The following PRRC1 variants were observed in gnomAD, a reference collection of about 807,000 sequenced individuals.
PRRC1 encodes protein PRRC1.
PRRC1 carries 39 observed loss-of-function variants against 40.7 expected under a neutral mutation model. That is an observed-to-expected ratio of 0.96 (90% CI 0.74 to 1.25). The LOEUF (loss-of-function observed/expected upper bound fraction) is 1.25. PRRC1 is among the 50% of genes most tolerant of loss of function. The pLI is 0.00. For synonymous variants in PRRC1, 175 were observed against 193.3 expected, an observed-to-expected ratio of 0.91 and a Z score of 0.79; for missense variants, 573 against 548.3, an observed-to-expected ratio of 1.05 and a Z score of -0.45.
chr5:127,525,330 A>C (rs943141442), intron 3 of PRRC1, among the ~76,000 whole-genome samples: 4 of 152,220 alleles, frequency 2.6e-5, no homozygotes, highest in Non-Finnish European at 5.9e-5. Context: ...AGGTTCATCC[A>C]TGTTGTAGCA....
rs1031123587 is a variant in PRRC1 at position 127,553,331 on chromosome 5, A to G, written c.*1415A>G. ...TAAGAAGAATGAATATTAAATTTGA[A>G]TATTAAATATATGTTACTTTCCAAG... On this transcript the variant is annotated 3_prime_UTR_variant, in exon 9 of 9. Transcript: ENST00000296666. The G allele has an allele frequency of 4.5e-5, 44 of 983,330 alleles. No individual in the cohort carries two copies. The highest frequency in any genetic ancestry group is 5.3e-5 in the Non-Finnish European group (44 of 828,032). The allele number at this position is 983,330 out of a possible 1,614,324, so 60.9% of individuals were successfully genotyped here. A position where few individuals can be genotyped will look rare whatever the true frequency, so the allele number is the denominator to read the frequency against.
chr5:127,530,212 A>T (rs1465518056), intron 4 of PRRC1, 82 bp from the exon 5 acceptor site: 15 of 1,246,970 alleles, frequency 1.2e-5, no homozygotes, highest in African/African-American at 4.5e-5. Context: ...GGAAACTTTT[A>T]AAAAAGTTTT....
intron 4 of PRRC1, among the ~76,000 whole-genome samples, chr5:127,529,148 C>T (rs1323761465): frequency 6.6e-6 from 1 of 151,714 alleles, no homozygotes; most frequent in Non-Finnish European, 1.5e-5. Flanking sequence ...ATTTTTTTTG[C>T]AATGAATTTT....
At chr5:127,532,289 A>C (rs1460446432) in intron 5 of PRRC1, among the ~76,000 whole-genome samples, 1 of 151,998 alleles carries the variant, frequency 6.6e-6, no homozygotes, top group Non-Finnish European at 1.5e-5. Context: ...TTGTATTTTT[A>C]GTAGAGATGG....
chr5:127,528,892 C>G (rs1002195883), intron 4 of PRRC1, among the ~76,000 whole-genome samples: 1 of 152,110 alleles, frequency 6.6e-6, no homozygotes, highest in African/African-American at 2.4e-5. Flanking sequence ...TTAAAATCAG[C>G]TTCTGGCCTC....
chr5:127,553,828 G>T lies in PRRC1; in HGVS notation c.*1912G>T, dbSNP rs1316826710. 1.3e-6 allele frequency: 2 copies of T among 1,535,676 alleles called. No individual in the cohort carries two copies. The highest frequency in any genetic ancestry group is 2.7e-5 in the African/African-American group (2 of 73,026). ...ATTTTCCTAGAATCCCCAAAGAGCA[G>T]TGGCAGTCCATGGCTTGGTTGAAGC... On this transcript the variant is annotated 3_prime_UTR_variant, in exon 9 of 9. Transcript: ENST00000296666.
rs760505033 is a variant in PRRC1 at position 127,526,629 on chromosome 5, A to G, written c.505A>G (p.Thr169Ala). The G allele has an allele frequency of 2.5e-6, 4 of 1,604,462 alleles. No homozygotes were observed. Among genetic ancestry groups the G allele is most frequent in the African/African-American group, 1.3e-5 (1 of 74,658 alleles). Residue 169 changes from threonine to alanine, a missense_variant, in exon 4 of 9, where the codon ACT (threonine) becomes GCT (alanine). By Grantham distance (58) the Thr-to-Ala change is moderately conservative (BLOSUM62 0). Transcript: ENST00000296666. ...SAPSGTGLLP[T>A]PITQQASLTS... is the part of the protein sequence containing the mutation. ...TTGCCATTGATTAGGTCTTTTGCCA[A>G]CTCCTATTACTCAGCAAGCCAGTTT...
rs1451035507 is a variant in PRRC1 at position 127,530,290 on chromosome 5, G to T, written c.655-4G>T. ...ATACTTACATATTGATTTGTTTTATGCAGGGTGTGGCTGGGAATCCTATGG... is the reference window on the plus strand; with the variant it reads ...ATACTTACATATTGATTTGTTTTATTCAGGGTGTGGCTGGGAATCCTATGG... On this transcript the variant is annotated splice_polypyrimidine_tract_variant and splice_region_variant and intron_variant, in intron 4 of 8. Transcript: ENST00000296666. 4 of 1,611,224 alleles carry T rather than the reference G, an allele frequency of 2.5e-6. No individual in the cohort carries two copies. The highest frequency in any genetic ancestry group is 3.4e-6 in the Non-Finnish European group (4 of 1,178,094).
intron 8 of PRRC1, chr5:127,549,831 C>T (rs925857822): frequency 6.6e-6 from 1 of 152,176 alleles, no homozygotes; most frequent in Non-Finnish European, 1.5e-5. Flanking sequence ...GTCTGGCCCA[C>T]AAAGCCTAAA....
intron 6 of PRRC1, among the ~76,000 whole-genome samples, chr5:127,534,415 A>G (rs990441937): frequency 4.6e-5 from 7 of 152,162 alleles, no homozygotes; most frequent in Admixed American, 1.3e-4. Context: ...TTTCACATTC[A>G]GTTAAGTCTA....
rs1233344351 is a variant in PRRC1, at chr5:127,524,692, TC to T, written c.266del (p.Ser89LeufsTer66). On this transcript the variant is annotated frameshift_variant, in exon 3 of 9. Coordinates refer to ENST00000296666, the MANE Select transcript of PRRC1 (RefSeq NM_130809.5). LOFTEE classifies it high-confidence loss of function. ...AVPSVPPLVT[S>X]MPPPVSPSTA... ...TCCTTCTGTCCCACCACTTGTTACT[TC>T]TATGCCACCTCCTGTTTCTCCATCA... 3 of 1,614,054 alleles carry T rather than the reference TC, an allele frequency of 1.9e-6. No individual in the cohort carries two copies. Among genetic ancestry groups the T allele is most frequent in the Admixed American group, 3.3e-5 (2 of 59,992 alleles).
At chr5:127,533,333 A>G (rs1452033784) in intron 5 of PRRC1, among the ~76,000 whole-genome samples, 1 of 152,166 alleles carries the variant, frequency 6.6e-6, no homozygotes, top group Non-Finnish European at 1.5e-5. Flanking sequence ...CGTGGAGTAT[A>G]CTAAATATGT....
chr5:127,530,692 T>G (rs1043118649), intron 5 of PRRC1, among the ~76,000 whole-genome samples: 5 of 152,126 alleles, frequency 3.3e-5, no homozygotes, highest in African/African-American at 1.2e-4. Context: ...AGCATTGCTT[T>G]ATATGAATTT....
rs1470238995 is a variant in PRRC1 at position 127,522,032 on chromosome 5, CTG to C, written c.-20-1426_-20-1425del. ...TTATTTGATTGTTTCGTGTACTAGA[CTG>C]TAAGTATCCTATTTGTTTTTGCTAA... On this transcript the variant is annotated intron_variant, in intron 1 of 8. Transcript: ENST00000296666. Among the ~76,000 whole-genome samples, 3 of 152,292 alleles carry C rather than the reference CTG, an allele frequency of 2.0e-5. No individual in the cohort carries two copies. In the East Asian group the frequency reaches 5.8e-4, roughly 29 times the overall value.
rs768449046 is a variant in PRRC1 at position 127,530,356 on chromosome 5, C to T, written c.717C>T (p.Ser239=). ...VLDKTKHSVE[S]MITTLDPGMA... ...ATAAGACAAAACATTCAGTAGAAAG[C>T]ATGATTACAACGCTGGACCCTGGCA... The change falls in exon 5 of 9, where the codon AGC becomes AGT. Residue 239 remains serine, a synonymous_variant. Transcript: ENST00000296666. 2.9e-5 allele frequency: 46 copies of T among 1,613,830 alleles called. No individual in the cohort carries two copies. Among genetic ancestry groups the T allele is most frequent in the Non-Finnish European group, 3.7e-5 (44 of 1,179,888 alleles).
In PRRC1 at chr5:127,521,216, A is replaced by G. The variant is rs565493012; in HGVS notation, c.-20-2244A>G. Among the ~76,000 whole-genome samples the G allele has an allele frequency of 9.9e-5, 15 of 152,262 alleles. No individual in the cohort carries two copies. The East Asian group carries it at 1.2e-3, about 12-fold the overall frequency. On this transcript the variant is annotated intron_variant, in intron 1 of 8. Transcript: ENST00000296666. Reference sequence around the variant, plus strand: ...TCCTTGCCCCCAGTTTCAGTAAACAATCCCCTTCTAGCCTCTATCAACTGC... The same window carrying G: ...TCCTTGCCCCCAGTTTCAGTAAACAGTCCCCTTCTAGCCTCTATCAACTGC...
chr5:127,518,965 C>A (rs1443800071), intron 1 of PRRC1, among the ~76,000 whole-genome samples: 1 of 152,066 alleles, frequency 6.6e-6, no homozygotes, highest in Non-Finnish European at 1.5e-5. Flanking sequence ...TATGTTTATG[C>A]ATGTAAAATT....
chr5:127,539,108 AG>A lies in PRRC1; in HGVS notation c.991del (p.Val331Ter). On this transcript the variant is annotated frameshift_variant, in exon 7 of 9. Transcript: ENST00000296666. LOFTEE classifies it high-confidence loss of function. The stretch of plus-strand genomic sequence containing the variant: ...TCCATGAAAAACAGACAGCTGTGTC[AG>A]TAGAAAACTTCATTGCAGAATTGCT... The part of the protein sequence containing the change: ...VIHEKQTAVS[V>X]ENFIAELLPD... 4 of 1,613,050 alleles carry A rather than the reference AG, an allele frequency of 2.5e-6. No homozygotes were observed. The highest frequency in any genetic ancestry group is 3.4e-6 in the Non-Finnish European group (4 of 1,179,086).
chr5:127,553,901 C>T lies in PRRC1; in HGVS notation c.*1985C>T. On this transcript the variant is annotated 3_prime_UTR_variant, in exon 9 of 9. Transcript: ENST00000296666. ...GACCTGGTAAGCCTCCTGCTCGGAACCGTGTGAGTGGGTGAGGAAGATGAG... is the reference window on the plus strand; with the variant it reads ...GACCTGGTAAGCCTCCTGCTCGGAATCGTGTGAGTGGGTGAGGAAGATGAG... 1 of 1,535,412 alleles carries T rather than the reference C, an allele frequency of 6.5e-7. No homozygotes were observed. The highest frequency in any genetic ancestry group is 8.7e-7 in the Non-Finnish European group (1 of 1,146,446).
Sources: allele counts gnomAD v4.1 joint callset (sites outside exome capture counted in the v4.1 genomes callset), GRCh38; gene constraint gnomAD v4.1.1; transcripts MANE v1.5; gene names NCBI Gene and HGNC (gene_info 2026-07-23, HGNC 2026-07-21).